APC2: variants seen among roughly 807,000 people sequenced by gnomAD.
APC2 encodes the protein adenomatous polyposis coli protein 2.
APC2 carries 41 observed loss-of-function variants against 72.5 expected under a neutral mutation model. That is an observed-to-expected ratio of 0.57 (90% CI 0.44 to 0.73). The LOEUF (loss-of-function observed/expected upper bound fraction) is 0.73, where lower values mean the gene tolerates loss of function less well. Ranked by LOEUF, APC2 falls within the 30% of genes least tolerant of loss-of-function variation. APC2 has a pLI of 0.00. For synonymous variants in APC2, 1,898 were observed against 1,612.0 expected, an observed-to-expected ratio of 1.18 and a Z score of -4.25; for missense variants, 3,729 against 3,403.4, an observed-to-expected ratio of 1.10 and a Z score of -2.38.
At chr19:1,458,270 C>G in intron 10 of APC2, 1 of 593,482 alleles carries the variant, frequency 1.7e-6, no homozygotes, top group Non-Finnish European at 3.0e-6. Context: ...GTGTGGCCTC[C>G]CGATCTGGTC....
chr19:1,450,398 T>C, intron 1 of APC2, 60 bp downstream of exon 1: 2 of 974,732 alleles, frequency 2.1e-6, no homozygotes, highest in Non-Finnish European at 2.4e-6. Flanking sequence ...GAGGTTTCCA[T>C]CCCTGGCTCT....
chr19:1,458,300 T>C (rs1223326552), intron 10 of APC2: 5 of 561,090 alleles, frequency 8.9e-6, no homozygotes, highest in African/African-American at 1.9e-5. Context: ...GGGGGTGACT[T>C]TCAGCCCTAA....
chr19:1,469,685 C>G lies in APC2; in HGVS notation c.6384C>G (p.Ser2128Arg), dbSNP rs2084098690. 1 of 1,320,714 alleles carries G rather than the reference C, an allele frequency of 7.6e-7. No homozygotes were observed. Among genetic ancestry groups the G allele is most frequent in the Non-Finnish European group, 9.6e-7 (1 of 1,041,886 alleles). 81.8% of individuals were successfully genotyped at this position (1,320,714 alleles called of 1,614,324 possible). ...CCTCAGCCGACGCCGCGCGCCGCAG[C>G]AGCGACGGGGAGCCCCGGCCGCTCC... ...APASADAARR[S>R]SDGEPRPLPR... The change falls in exon 15 of 15, where the codon AGC (serine) becomes AGG (arginine). Residue 2128 changes from serine (S) to arginine (R), a missense_variant. Transcript: ENST00000590469.
intron 12 of APC2, 58 bp from the exon 13 acceptor site, chr19:1,460,978 TG>T: frequency 6.3e-7 from 1 of 1,599,988 alleles, no homozygotes. Context: ...TCACATTTGC[TG>T]GGGGGTTTGG....
Position 1,469,313 on chromosome 19 carries a change from G to A in APC2, c.6012G>A (p.Leu2004=). 1 of 1,414,480 alleles carries A rather than the reference G, an allele frequency of 7.1e-7. No individual in the cohort carries two copies. The highest frequency in any genetic ancestry group is 9.3e-7 in the Non-Finnish European group (1 of 1,080,934). The allele number at this position is 1,414,480 out of a possible 1,614,324, so 87.6% of individuals were successfully genotyped here. The stretch of plus-strand genomic sequence containing the variant: ...CCTTCATCAAGGAGTCGCCGGGCTT[G>A]CGGCGCCGCCGCTCCGAGCTGTCCT... ...QLTFIKESPG[L]RRRRSELSSA... is the part of the protein sequence containing the mutation. Residue 2004 remains leucine, a synonymous_variant, in exon 15 of 15, where the codon TTG becomes TTA. Coordinates refer to ENST00000590469, the MANE Select transcript of APC2 (RefSeq NM_005883.3).
chr19:1,469,154 G>C lies in APC2; in HGVS notation c.5853G>C (p.Pro1951=). The change falls in exon 15 of 15, where the codon CCG becomes CCC. Residue 1951 remains proline, a synonymous_variant. Coordinates refer to ENST00000590469, the MANE Select transcript of APC2 (RefSeq NM_005883.3). ...CGCTGGCTCGGGCAGTCCCGGAGCC[G>C]GGCCCCAGGGGCCGGGCGGGGACCG... ...PPPLARAVPE[P]GPRGRAGTEA... is the part of the protein sequence containing the mutation. 2 of 1,280,250 alleles carry C rather than the reference G, an allele frequency of 1.6e-6. No individual in the cohort carries two copies. The highest frequency in any genetic ancestry group is 2.7e-5 in the South Asian group (1 of 36,466). 79.3% of individuals were successfully genotyped at this position (1,280,250 alleles called of 1,614,324 possible).
chr19:1,449,409 TC>T (rs1277555475), upstream of APC2, among the ~76,000 whole-genome samples: 2 of 152,030 alleles, frequency 1.3e-5, no homozygotes, highest in African/African-American at 4.8e-5. Context: ...CCCTGGCCCT[TC>T]CCTCCTCTGG....
In APC2 at chr19:1,470,350, C is replaced by T; in HGVS notation, c.*137C>T. 1 of 1,235,860 alleles carries T rather than the reference C, an allele frequency of 8.1e-7. No homozygotes were observed. Among genetic ancestry groups the T allele is most frequent in the Non-Finnish European group, 1.1e-6 (1 of 935,058 alleles). The allele number at this position is 1,235,860 out of a possible 1,614,324, so 76.6% of individuals were successfully genotyped here. A position where few individuals can be genotyped will look rare whatever the true frequency, so the allele number is the denominator to read the frequency against. ...CACCCGAGCCCCACCACTCTCAGAA[C>T]CCCCGCCCAGCGCACGGCGACCTCG... On this transcript the variant is annotated 3_prime_UTR_variant, in exon 15 of 15. Transcript: ENST00000590469.
intron 11 of APC2, 140 bp from the exon 12 acceptor site, chr19:1,460,639 TG>T: frequency 4.2e-6 from 4 of 963,340 alleles, no homozygotes; most frequent in East Asian, 5.3e-5. Context: ...GACCTGAGCA[TG>T]GGGTAACCGT....
In APC2 at chr19:1,466,023, C is replaced by T. The variant is rs2041314566; in HGVS notation, c.2722C>T (p.Arg908Trp). 4.7e-6 allele frequency: 7 copies of T among 1,492,348 alleles called. No individual in the cohort carries two copies. Among genetic ancestry groups the T allele is most frequent in the African/African-American group, 1.5e-5 (1 of 68,742 alleles). The allele number at this position is 1,492,348 out of a possible 1,614,324, so 92.4% of individuals were successfully genotyped here. A position where few individuals can be genotyped will look rare whatever the true frequency, so the allele number is the denominator to read the frequency against. ...PEGGRREAGS[R>W]AHPLLRLKAA... ...GGGCGGGCGGCGAGAGGCAGGAAGCCGGGCGCACCCGCTGCTGCGGCTCAA... is the reference window on the plus strand; with the variant it reads ...GGGCGGGCGGCGAGAGGCAGGAAGCTGGGCGCACCCGCTGCTGCGGCTCAA... The change falls in exon 15 of 15, where the codon CGG becomes TGG. Residue 908 changes from arginine to tryptophan, a missense_variant. Coordinates refer to ENST00000590469, the MANE Select transcript of APC2 (RefSeq NM_005883.3).
chr19:1,464,407 T>G (rs2083972567), intron 14 of APC2, among the ~76,000 whole-genome samples: 1 of 151,802 alleles, frequency 6.6e-6, no homozygotes, highest in Admixed American at 6.6e-5. Flanking sequence ...AATATTATTT[T>G]TACCTGGTCA....
chr19:1,460,104 G>C (rs2083899121), intron 10 of APC2, 77 bp from the exon 11 acceptor site: 1 of 1,592,326 alleles, frequency 6.3e-7, no homozygotes, highest in African/African-American at 1.3e-5. Context: ...GGGCCTCTGG[G>C]CAAGGGAGTG....
rs1173059732 is a variant in APC2, at chr19:1,466,264, C to G, written c.2963C>G (p.Ala988Gly). The G allele has an allele frequency of 6.5e-7, 1 of 1,528,622 alleles. No individual in the cohort carries two copies. The highest frequency in any genetic ancestry group is 8.7e-7 in the Non-Finnish European group (1 of 1,144,596). 94.7% of individuals were successfully genotyped at this position (1,528,622 alleles called of 1,614,324 possible). A position where few individuals can be genotyped will look rare whatever the true frequency, so the allele number is the denominator to read the frequency against. Reference sequence around the variant, plus strand: ...GCCCGCGAGGCCACCTCCGCCGACGCCCGCGTGCGCACCATCAAGCTGTCG... The same window carrying G: ...GCCCGCGAGGCCACCTCCGCCGACGGCCGCGTGCGCACCATCAAGCTGTCG... ...PPAREATSAD[A>G]RVRTIKLSPT... The change falls in exon 15 of 15, where the codon GCC (alanine) becomes GGC (glycine). Residue 988 changes from alanine to glycine, a missense_variant. Physicochemically the swap from Ala to Gly is moderately conservative, Grantham distance 60. Transcript: ENST00000590469.
At chr19:1,461,777 G>C (rs1372957482) in intron 13 of APC2, 186 bp from the exon 14 acceptor site, 1 of 581,650 alleles carries the variant, frequency 1.7e-6, no homozygotes, top group Non-Finnish European at 3.0e-6. Flanking sequence ...GCTTGAACTG[G>C]GGAGTCGGAG....
At position 1,472,816 on chromosome 19, in the gene APC2, C is replaced by T. The variant is rs58135531; in HGVS notation, c.*2603C>T. The T allele has an allele frequency of 0.041, 6,179 of 152,522 alleles. 423 individuals are homozygous for T. Among genetic ancestry groups the T allele is most frequent in the African/African-American group, 0.14 (5,862 of 41,530 alleles). The allele number at this position is 152,522 out of a possible 1,614,324, so 9.4% of individuals were successfully genotyped here. ...CTGCACCAGGGTGACAAGGGGTCCT[C>T]GTCTGCCCCCCAATGCTCCAGGGCC... On this transcript the variant is annotated 3_prime_UTR_variant, in exon 15 of 15. Transcript: ENST00000590469.
At chr19:1,454,973 A>G in intron 4 of APC2, among the ~76,000 whole-genome samples, 176 bp from the exon 5 acceptor site, 1 of 128,808 alleles carries the variant, frequency 7.8e-6, no homozygotes, top group African/African-American at 3.1e-5. Context: ...TCCCCCAGTT[A>G]ATTTCAATAC....
chr19:1,467,985 G>C lies in APC2; in HGVS notation c.4684G>C (p.Ala1562Pro). The change falls in exon 15 of 15, where the codon GCC becomes CCC. Residue 1562 changes from alanine (A) to proline (P), a missense_variant. Ala to Pro is a conservative substitution (Grantham distance 27). Coordinates refer to ENST00000590469, the MANE Select transcript of APC2 (RefSeq NM_005883.3). ...SKAAPAAPPP[A>P]RTQPSLIADE... ...GGCTGCACCAGCTGCCCCGCCGCCC[G>C]CCCGGACCCAGCCCAGCCTCATTGC... The C allele has an allele frequency of 6.3e-7, 1 of 1,580,224 alleles. No homozygotes were observed. Among genetic ancestry groups the C allele is most frequent in the African/African-American group, 1.4e-5 (1 of 72,028 alleles).
At chr19:1,454,984 C>G (rs1274513078) in intron 4 of APC2, among the ~76,000 whole-genome samples, 165 bp from the exon 5 acceptor site, 1 of 61,902 alleles carries the variant, frequency 1.6e-5, no homozygotes, top group Non-Finnish European at 3.0e-5. Flanking sequence ...ATTTCAATAC[C>G]CACCCCCCCC....
At chr19:1,455,100 C>A in intron 4 of APC2, 49 bp from the exon 5 acceptor site, 1 of 1,206,176 alleles carries the variant, frequency 8.3e-7, no homozygotes, top group Non-Finnish European at 1.1e-6. Flanking sequence ...TCAAAATAAA[C>A]ACACACGGCG....
Sources: gnomAD v4.1 joint callset for allele counts (sites outside exome capture counted in the v4.1 genomes callset) on GRCh38, gnomAD v4.1.1 for gene constraint, MANE v1.5 for transcripts, NCBI Gene and HGNC (gene_info 2026-07-23, HGNC 2026-07-21) for gene names.